The following STIM1 variants were observed in gnomAD, a reference collection of about 807,000 sequenced individuals.
The protein encoded by STIM1 is stromal interaction molecule 1.
In STIM1, 25 loss-of-function variants were observed where a neutral mutation model predicts 74.7. The ratio of observed to expected loss-of-function variants is 0.33; its 90% CI spans 0.24 to 0.47. The LOEUF is 0.47. Among genes scored for constraint, STIM1 ranks in the 20% least tolerant of loss-of-function variants. STIM1 has a pLI of 1.00. For missense variants in STIM1, 728 were observed against 920.8 expected (o/e 0.79, Z 2.71); for synonymous variants, 328 against 348.8 (o/e 0.94, Z 0.66).
At chr11:4,006,731 G>A (rs1201503827) in intron 2 of STIM1, among the ~76,000 whole-genome samples, 1 of 152,122 alleles carries the variant, frequency 6.6e-6, no homozygotes, top group East Asian at 1.9e-4. Context: ...TTTCTTTATA[G>A]CAATGTAATA....
chr11:3,900,434 G>C (rs767326473), intron 1 of STIM1, among the ~76,000 whole-genome samples: 3 of 152,124 alleles, frequency 2.0e-5, no homozygotes, highest in Non-Finnish European at 4.4e-5. Context: ...ACGGTGCGCC[G>C]CACCCACTGT....
intron 1 of STIM1, among the ~76,000 whole-genome samples, chr11:3,865,980 A>G (rs2090840581): frequency 6.6e-6 from 1 of 152,230 alleles, no homozygotes; most frequent in South Asian, 2.1e-4. Context: ...AAAAATCCGG[A>G]AATGAGCCAA....
chr11:4,088,061 C>T (rs1394024955), intron 12 of STIM1, among the ~76,000 whole-genome samples: 3 of 151,902 alleles, frequency 2.0e-5, no homozygotes, highest in Admixed American at 6.6e-5. Context: ...CAGAATACTC[C>T]GTTGGATATT....
At chr11:3,887,201 T>A (rs554229566) in intron 1 of STIM1, among the ~76,000 whole-genome samples, 1 of 152,140 alleles carries the variant, frequency 6.6e-6, no homozygotes, top group Non-Finnish European at 1.5e-5. Flanking sequence ...GAGGGCAGCA[T>A]GCACTGGGTG....
At chr11:3,862,134 A>G (rs983319039) in intron 1 of STIM1, among the ~76,000 whole-genome samples, 1 of 152,202 alleles carries the variant, frequency 6.6e-6, no homozygotes, top group African/African-American at 2.4e-5. Flanking sequence ...ATATTAAGAT[A>G]TACAACAAAG....
Position 4,074,569 on chromosome 11 carries a change from C to A in STIM1, c.859C>A (p.Arg287Ser), listed in dbSNP as rs1034949340. 6.2e-7 allele frequency: 1 copy of A among 1,613,890 alleles called. No homozygotes were observed. The highest frequency in any genetic ancestry group is 1.3e-5 in the African/African-American group (1 of 74,896). Residue 287 changes from arginine (R) to serine (S), a missense_variant, in exon 7 of 13, where the codon CGC becomes AGC. Arg to Ser is a moderately radical substitution (Grantham distance 110, BLOSUM62 -1). Coordinates refer to ENST00000526596, the MANE Select transcript of STIM1 (RefSeq NM_001382567.1). ...GAAGGTCCATCTGGAAAAGAAGCTG[C>A]GCGATGAGATCAACCTTGCTAAGCA... Reference protein sequence around the residue: ...VEKVHLEKKLRDEINLAKQEA... With the variant: ...VEKVHLEKKLSDEINLAKQEA...
At chr11:4,033,602 T>TC (rs2094071254) in intron 3 of STIM1, among the ~76,000 whole-genome samples, 1 of 148,050 alleles carries the variant, frequency 6.8e-6, no homozygotes, top group African/African-American at 2.5e-5. Context: ...TTTCTAATCT[T>TC]TTTTTTTTTT....
Position 4,082,345 on chromosome 11 carries a change from G to A in STIM1, c.1131G>A (p.Lys377=). 1.2e-6 allele frequency: 2 copies of A among 1,611,506 alleles called. No homozygotes were observed. Among genetic ancestry groups the A allele is most frequent in the Non-Finnish European group, 1.7e-6 (2 of 1,179,222 alleles). ...QNAEKQLLVA[K]EGAEKIKKKR... is the part of the protein sequence containing the mutation. The stretch of plus-strand genomic sequence containing the variant: ...CTGAGAAGCAGCTGCTGGTGGCCAA[G>A]GAGGGGGTGAGAACAGCCCTTCTAT... Residue 377 remains lysine, a synonymous_variant, in exon 8 of 13, where the codon AAG becomes AAA. Coordinates refer to ENST00000526596, the MANE Select transcript of STIM1 (RefSeq NM_001382567.1).
chr11:3,894,479 C>T (rs1357723729), intron 1 of STIM1, among the ~76,000 whole-genome samples: 1 of 152,206 alleles, frequency 6.6e-6, no homozygotes, highest in Non-Finnish European at 1.5e-5. Context: ...GAACAAGAGC[C>T]CAAAAGTGAC....
intron 6 of STIM1, 128 bp from the exon 7 acceptor site, chr11:4,074,374 C>G (rs1565167883): frequency 8.8e-7 from 1 of 1,135,974 alleles, no homozygotes; most frequent in Admixed American, 1.9e-5. Context: ...GCCAGACACA[C>G]AGCAGAGCAG....
intron 2 of STIM1, among the ~76,000 whole-genome samples, chr11:3,968,486 A>G (rs953359502): frequency 3.3e-5 from 5 of 152,192 alleles, no homozygotes; most frequent in African/African-American, 7.2e-5. Flanking sequence ...TGGATCCCAC[A>G]TTGTCAGATC....
At chr11:3,897,987 G>A (rs946218359) in intron 1 of STIM1, among the ~76,000 whole-genome samples, 2 of 152,190 alleles carry the variant, frequency 1.3e-5, no homozygotes, top group African/African-American at 2.4e-5. Flanking sequence ...GTGTGCATGT[G>A]TCTTTATAGC....
chr11:4,026,898 A>C (rs1013756302), intron 3 of STIM1, among the ~76,000 whole-genome samples: 1 of 152,196 alleles, frequency 6.6e-6, no homozygotes, highest in Non-Finnish European at 1.5e-5. Flanking sequence ...GTTTCATTAC[A>C]TAGGCAAGTT....
intron 1 of STIM1, among the ~76,000 whole-genome samples, chr11:3,904,241 G>C (rs1277139070): frequency 6.7e-6 from 1 of 148,608 alleles, no homozygotes; most frequent in East Asian, 1.9e-4. Flanking sequence ...GGGAGAGAAA[G>C]GAAGGAGGGT....
intron 1 of STIM1, among the ~76,000 whole-genome samples, chr11:3,948,075 G>A (rs1057049150): frequency 7.2e-5 from 11 of 152,182 alleles, no homozygotes; most frequent in African/African-American, 2.7e-4. Flanking sequence ...GTTAGGTTTA[G>A]AAGAGCTCTT....
intron 12 of STIM1, among the ~76,000 whole-genome samples, chr11:4,090,732 A>C (rs764986789): frequency 8.5e-5 from 13 of 152,208 alleles, no homozygotes; most frequent in Non-Finnish European, 1.3e-4. Flanking sequence ...CTTGAGTCCC[A>C]GGAAATACAG....
intron 3 of STIM1, among the ~76,000 whole-genome samples, chr11:4,044,048 C>T (rs1441084222): frequency 6.6e-6 from 1 of 151,932 alleles, no homozygotes; most frequent in Non-Finnish European, 1.5e-5. Context: ...GTTAAGTCAC[C>T]CTGTGTGTCT....
chr11:3,932,666 G>GAAAAAA (rs57059104), intron 1 of STIM1, among the ~76,000 whole-genome samples: 31 of 86,856 alleles, frequency 3.6e-4, no homozygotes, highest in African/African-American at 4.9e-4. Flanking sequence ...TGTCTCAAAG[G>GAAAAAA]AAAAAAAAAA....
intron 2 of STIM1, among the ~76,000 whole-genome samples, chr11:4,010,224 G>C (rs1449876704): frequency 6.8e-6 from 1 of 147,408 alleles, no homozygotes; most frequent in African/African-American, 2.5e-5. Flanking sequence ...AGGCTGTAGT[G>C]CAGTGGCATG....
Sources: gnomAD v4.1 joint callset for allele counts (sites outside exome capture counted in the v4.1 genomes callset) on GRCh38, gnomAD v4.1.1 for gene constraint, MANE v1.5 for transcripts, NCBI Gene and HGNC (gene_info 2026-07-23, HGNC 2026-07-21) for gene names.